The following CTRB1 variants were observed in gnomAD, a reference collection of about 807,000 sequenced individuals.
CTRB1 encodes the protein chymotrypsinogen B.
CTRB1 carries 15 observed loss-of-function variants against 20.4 expected under a neutral mutation model. The observed-to-expected ratio is 0.74, with a 90% confidence interval of 0.49 to 1.13. The LOEUF is 1.13. Ranked by LOEUF, CTRB1 falls within the 50% of genes most tolerant of loss-of-function variation. The probability of loss-of-function intolerance (pLI) is 0.00; values close to 1 mark genes in which losing one functional copy is unlikely to be tolerated. For missense variants in CTRB1, 227 were observed against 290.1 expected, an observed-to-expected ratio of 0.78 and a Z score of 1.58; for synonymous variants, 92 against 128.4, an observed-to-expected ratio of 0.72 and a Z score of 1.92.
chr16:75,219,615 C>G (rs1033109333), intron 1 of CTRB1, among the ~76,000 whole-genome samples: 1 of 152,146 alleles, frequency 6.6e-6, no homozygotes, highest in East Asian at 1.9e-4. Context: ...AACTCCTGAC[C>G]TCAGGTGATG....
At position 75,224,035 on chromosome 16, in the gene CTRB1, A is replaced by G; in HGVS notation, c.497-20A>G. 1.1e-6 allele frequency: 1 copy of G among 912,976 alleles called. No individual in the cohort carries two copies. The highest frequency in any genetic ancestry group is 1.6e-6 in the Non-Finnish European group (1 of 625,482). The allele number at this position is 912,976 out of a possible 1,614,324, so 56.6% of individuals were successfully genotyped here. On this transcript the variant is annotated intron_variant, in intron 5 of 6. Transcript: ENST00000361017. ...TGGCTGAGTGAGCCCAGGGGCCCTG[A>G]CCCTCCTCCTGTCCTGCAGCCAACA...
At chr16:75,219,584 A>G (rs2039051130) in intron 1 of CTRB1, among the ~76,000 whole-genome samples, 1 of 151,886 alleles carries the variant, frequency 6.6e-6, no homozygotes, top group African/African-American at 2.4e-5. Flanking sequence ...GGCTTTCACC[A>G]CGTTGGCCAG....
intron 1 of CTRB1, among the ~76,000 whole-genome samples, chr16:75,220,170 G>A (rs12446696): frequency 6.8e-6 from 1 of 147,734 alleles, no homozygotes; most frequent in Admixed American, 6.6e-5. Context: ...AGAGATGGAG[G>A]TTTTTTTTGT....
intron 1 of CTRB1, among the ~76,000 whole-genome samples, chr16:75,221,987 G>A (rs1289027115): frequency 2.0e-5 from 3 of 150,200 alleles, no homozygotes; most frequent in African/African-American, 7.4e-5. Flanking sequence ...CGTGAACCCA[G>A]GAGGCGGAGC....
Position 75,224,901 on chromosome 16 carries a change from G to C in CTRB1, c.*35G>C, listed in dbSNP as rs371490267. 8.1e-6 allele frequency: 13 copies of C among 1,610,744 alleles called. No homozygotes were observed. The highest frequency in any genetic ancestry group is 1.1e-5 in the Non-Finnish European group (13 of 1,179,458). On this transcript the variant is annotated 3_prime_UTR_variant, in exon 7 of 7. Coordinates refer to ENST00000361017, the MANE Select transcript of CTRB1 (RefSeq NM_001906.6). ...TCCCTCCGACCCTGCTCCCCACAGA[G>C]CCTCAGTAAACCCATGGAACACACG... is the stretch of plus-strand genomic sequence containing the variant.
intron 1 of CTRB1, among the ~76,000 whole-genome samples, chr16:75,221,368 A>AT (rs572234105): frequency 3.8e-4 from 57 of 151,200 alleles, no homozygotes; most frequent in African/African-American, 1.4e-3. Context: ...GTTTGTTTTG[A>AT]TTTTTTCTTG....
At chr16:75,219,119 G>A in intron 1 of CTRB1, 60 bp downstream of exon 1, 2 of 1,519,198 alleles carry the variant, frequency 1.3e-6, no homozygotes, top group Non-Finnish European at 1.8e-6. Flanking sequence ...CTGAGAGGGG[G>A]ATCTGAGTCC....
rs544239979 is a variant in CTRB1, at chr16:75,219,731, A to G, written c.52+672A>G. Among the ~76,000 whole-genome samples the G allele has an allele frequency of 7.2e-4, 109 of 152,316 alleles. 1 individual carries two copies. The South Asian group carries it at 0.022, about 30-fold the overall frequency. ...GAAATAGTAAAAGAAAATACAGAAA[A>G]GAATATGACATCCTTGTATCTACTG... On this transcript the variant is annotated intron_variant, in intron 1 of 6. Coordinates refer to ENST00000361017, the MANE Select transcript of CTRB1 (RefSeq NM_001906.6).
In CTRB1 at chr16:75,222,352, C is replaced by T. The variant is rs138141615; in HGVS notation, c.53-416C>T. 8.2e-3 allele frequency among the ~76,000 whole-genome samples: 1,244 copies of T among 152,204 alleles called. 14 individuals carry two copies. The highest frequency in any genetic ancestry group is 0.028 in the African/African-American group (1,177 of 41,524). On this transcript the variant is annotated intron_variant, in intron 1 of 6. Transcript: ENST00000361017. ...CCTCTCGCCACCAGTCTAACAAAGG[C>T]ACGTGGGCCAGTGGAGCTCACGTGG...
At position 75,222,073 on chromosome 16, in the gene CTRB1, A is replaced by G. The variant is rs1262103737; in HGVS notation, c.53-695A>G. Reference sequence around the variant, plus strand: ...AAGACTGTCTCAAAAAGAAAAAAAAAAAAAAAAAAAAAAGGAATTTGAGGT... The same window carrying G: ...AAGACTGTCTCAAAAAGAAAAAAAAGAAAAAAAAAAAAAGGAATTTGAGGT... On this transcript the variant is annotated intron_variant, in intron 1 of 6. Coordinates refer to ENST00000361017, the MANE Select transcript of CTRB1 (RefSeq NM_001906.6). 9.3e-5 allele frequency among the ~76,000 whole-genome samples: 14 copies of G among 150,512 alleles called. No individual in the cohort carries two copies. In the South Asian group the frequency reaches 1.1e-3, roughly 11 times the overall value.
rs1413844666 is a variant in CTRB1 at position 75,224,831 on chromosome 16, A to G, written c.757A>G (p.Ile253Val). 4 of 1,610,552 alleles carry G rather than the reference A, an allele frequency of 2.5e-6. No individual in the cohort carries two copies. Among genetic ancestry groups the G allele is most frequent in the South Asian group, 1.1e-5 (1 of 91,028 alleles). ...CGTGTACGCCCGTGTCACCAAGCTCATACCTTGGGTGCAGAAGATCCTGGC... is the reference window on the plus strand; with the variant it reads ...CGTGTACGCCCGTGTCACCAAGCTCGTACCTTGGGTGCAGAAGATCCTGGC... ...PGVYARVTKL[I>V]PWVQKILAAN Residue 253 changes from isoleucine to valine, a missense_variant, in exon 7 of 7, where the codon ATA (isoleucine) becomes GTA (valine). Physicochemically the swap from Ile to Val is conservative, Grantham distance 29. Around this residue, in one of 4 missense-constraint regions of CTRB1, gnomAD observed 108 missense variants for 76.9 expected, o/e 1.41. Transcript: ENST00000361017.
chr16:75,222,788 C>G lies in CTRB1; in HGVS notation c.73C>G (p.His25Asp). Reference protein sequence around the residue: ...AAFGCGVPAIHPVLSGLSRIV... With the variant: ...AAFGCGVPAIDPVLSGLSRIV... ...CCCAGGCTGCGGGGTCCCCGCCATC[C>G]ACCCTGTGCTCAGCGGCCTGTCCAG... The change falls in exon 2 of 7, where the codon CAC becomes GAC. Residue 25 changes from histidine (H) to aspartate (D), a missense_variant. Around this residue, in one of 4 missense-constraint regions of CTRB1, gnomAD observed 71 missense variants for 69.1 expected, o/e 1.03. Coordinates refer to ENST00000361017, the MANE Select transcript of CTRB1 (RefSeq NM_001906.6). The G allele has an allele frequency of 2.6e-6, 4 of 1,555,640 alleles. No homozygotes were observed. Among genetic ancestry groups the G allele is most frequent in the Non-Finnish European group, 3.5e-6 (4 of 1,148,964 alleles).
Position 75,224,146 on chromosome 16 carries a change from C to T in CTRB1, c.588C>T (p.Asp196=), listed in dbSNP as rs1391441755. The T allele has an allele frequency of 3.4e-6, 5 of 1,468,396 alleles. No individual in the cohort carries two copies. The highest frequency in any genetic ancestry group is 4.1e-5 in the Admixed American group (2 of 48,716). The allele number at this position is 1,468,396 out of a possible 1,614,324, so 91.0% of individuals were successfully genotyped here. The stretch of plus-strand genomic sequence containing the variant: ...AGTCCTGGGGCAGGAGGATCACCGA[C>T]GTGATGATCTGTGCCGGGGCCAGTG... ...CKKSWGRRIT[D]VMICAGASGV... is the part of the protein sequence containing the mutation. Residue 196 remains aspartate, a synonymous_variant, in exon 6 of 7, where the codon GAC becomes GAT. Transcript: ENST00000361017.
At chr16:75,220,718 G>A (rs866394936) in intron 1 of CTRB1, among the ~76,000 whole-genome samples, 1 of 151,936 alleles carries the variant, frequency 6.6e-6, no homozygotes, top group Non-Finnish European at 1.5e-5. Context: ...TTTATAATGC[G>A]TGCTCTGTTG....
chr16:75,220,818 G>A (rs2039072651), intron 1 of CTRB1, among the ~76,000 whole-genome samples: 1 of 152,006 alleles, frequency 6.6e-6, no homozygotes, highest in African/African-American at 2.4e-5. Context: ...GAGTGCAGTG[G>A]CATGATTTCG....
intron 1 of CTRB1, 56 bp from the exon 2 acceptor site, chr16:75,222,712 G>A: frequency 6.6e-7 from 1 of 1,517,102 alleles, no homozygotes; most frequent in Non-Finnish European, 8.9e-7. Flanking sequence ...CACGCAGGCA[G>A]GTGAGGCCCA....
Position 75,222,102 on chromosome 16 carries a change from A to C in CTRB1, c.53-666A>C, listed in dbSNP as rs1476106766. ...AAAAAAAAAAGGAATTTGAGGTTGC[A>C]GTGGGCCATGATGACACCACGGCAC... On this transcript the variant is annotated intron_variant, in intron 1 of 6. Coordinates refer to ENST00000361017, the MANE Select transcript of CTRB1 (RefSeq NM_001906.6). 2.7e-5 allele frequency among the ~76,000 whole-genome samples: 4 copies of C among 149,712 alleles called. No individual in the cohort carries two copies. The East Asian group carries it at 7.9e-4, about 29-fold the overall frequency.
At chr16:75,221,834 G>A (rs1043362081) in intron 1 of CTRB1, among the ~76,000 whole-genome samples, 7 of 151,644 alleles carry the variant, frequency 4.6e-5, no homozygotes, top group Middle Eastern at 3.4e-3. Context: ...AGGCCGAGGC[G>A]GGTGGATCAC....
In CTRB1 at chr16:75,223,487, A is replaced by G. The variant is rs1346152332; in HGVS notation, c.355A>G (p.Asn119Asp). The G allele has an allele frequency of 1.3e-6, 1 of 752,624 alleles. No homozygotes were observed. The allele number at this position is 752,624 out of a possible 1,614,324, so 46.6% of individuals were successfully genotyped here. A position where few individuals can be genotyped will look rare whatever the true frequency, so the allele number is the denominator to read the frequency against. Residue 119 changes from asparagine to aspartate, a missense_variant, in exon 5 of 7, where the codon AAT becomes GAT. Physicochemically the swap from Asn to Asp is conservative, Grantham distance 23. Transcript: ENST00000361017. ...CAAGTTCAGCATTCTGACCGTGAAC[A>G]ATGACATCACCCTGCTGAAGCTGGC... Reference protein sequence around the residue: ...NPKFSILTVNNDITLLKLATP... With the variant: ...NPKFSILTVNDDITLLKLATP...
Sources: gnomAD v4.1 joint callset for allele counts (sites outside exome capture counted in the v4.1 genomes callset) on GRCh38, gnomAD v4.1.1 for gene constraint, gnomAD v4.1.1 regional missense constraint, MANE v1.5 for transcripts, NCBI Gene and HGNC (gene_info 2026-07-23, HGNC 2026-07-21) for gene names.